Variants in FSTL5 observed in about 807,000 individuals in gnomAD.
FSTL5 encodes the protein follistatin-related protein 5.
In FSTL5, 62 loss-of-function variants were observed where a neutral mutation model predicts 89.1. The ratio of observed to expected loss-of-function variants is 0.70; its 90% CI spans 0.57 to 0.86. The LOEUF is 0.86. FSTL5 is among the 40% of genes least tolerant of loss of function. The pLI is 0.00. For synonymous variants in FSTL5, 383 were observed against 346.2 expected (o/e 1.11, Z -1.18); for missense variants, 1,057 against 1,001.6 (o/e 1.06, Z -0.75).
chr4:162,137,174 T>C (rs1342785989), intron 1 of FSTL5, among the ~76,000 whole-genome samples: 1 of 152,080 alleles, frequency 6.6e-6, no homozygotes, highest in Non-Finnish European at 1.5e-5. Context: ...GAGCAAGAAA[T>C]AAACAAAAAC....
intron 8 of FSTL5, among the ~76,000 whole-genome samples, chr4:161,585,279 C>T (rs979561533): frequency 6.6e-6 from 1 of 152,178 alleles, no homozygotes; most frequent in East Asian, 1.9e-4. Context: ...TGAAGAGCAG[C>T]AGCTCCTGAA....
intron 10 of FSTL5, among the ~76,000 whole-genome samples, chr4:161,514,322 A>G (rs1730745635): frequency 6.6e-6 from 1 of 152,080 alleles, no homozygotes; most frequent in Non-Finnish European, 1.5e-5. Context: ...CTTTTGCAGT[A>G]ACATGGATGG....
intron 7 of FSTL5, among the ~76,000 whole-genome samples, chr4:161,638,237 G>C (rs1735802659): frequency 1.3e-5 from 2 of 151,632 alleles, no homozygotes. Flanking sequence ...TTGTGAACGG[G>C]AGTTCACTCA....
intron 6 of FSTL5, among the ~76,000 whole-genome samples, chr4:161,735,722 C>T (rs1305667864): frequency 1.3e-5 from 2 of 152,024 alleles, no homozygotes; most frequent in Non-Finnish European, 1.5e-5. Context: ...TATTTTTAAA[C>T]TATTGGTTTA....
chr4:161,634,176 G>A (rs1458070149), intron 7 of FSTL5, among the ~76,000 whole-genome samples: 3 of 152,164 alleles, frequency 2.0e-5, no homozygotes, highest in Non-Finnish European at 4.4e-5. Context: ...TCACCCATTT[G>A]TTCATTTCCA....
chr4:161,835,579 T>C (rs1437093272), intron 4 of FSTL5, among the ~76,000 whole-genome samples: 1,903 of 151,908 alleles, frequency 0.013, 34 homozygotes, highest in African/African-American at 0.042. Flanking sequence ...ATAGCCAGAA[T>C]CTACAATGAA....
intron 8 of FSTL5, among the ~76,000 whole-genome samples, chr4:161,568,127 T>C (rs911803926): frequency 2.0e-5 from 3 of 151,864 alleles, no homozygotes; most frequent in Non-Finnish European, 2.9e-5. Flanking sequence ...GGAGTCCATA[T>C]TTGCCATATA....
intron 7 of FSTL5, among the ~76,000 whole-genome samples, chr4:161,632,587 A>C (rs565139758): frequency 3.3e-5 from 5 of 152,210 alleles, no homozygotes; most frequent in African/African-American, 1.2e-4. Context: ...TTCTTCTACA[A>C]TTATAACTTG....
rs1470981413 is a variant in FSTL5 at position 161,459,302 on chromosome 4, A to C, written c.1626T>G (p.Pro542=). 1 of 1,612,188 alleles carries C rather than the reference A, an allele frequency of 6.2e-7. No individual in the cohort carries two copies. The highest frequency in any genetic ancestry group is 1.7e-5 in the Admixed American group (1 of 60,014). ...TGTCATAGTGTAATTTAACTGGGACAGGGTCTGTGCTCACTGCCTACAATA... is the reference window on the plus strand; with the variant it reads ...TGTCATAGTGTAATTTAACTGGGACCGGGTCTGTGCTCACTGCCTACAATA... ...QKVVQAVSTD[P]VPVKLHYDKS... is the part of the protein sequence containing the mutation. Residue 542 remains proline, a synonymous_variant, in exon 14 of 16, where the codon CCT becomes CCG. Transcript: ENST00000306100.
intron 7 of FSTL5, among the ~76,000 whole-genome samples, chr4:161,604,662 C>T (rs888923805): frequency 6.6e-6 from 1 of 152,114 alleles, no homozygotes. Context: ...TACAGGAGGA[C>T]ATTTTTAATG....
At chr4:161,825,577 G>T (rs933358017) in intron 4 of FSTL5, among the ~76,000 whole-genome samples, 7 of 151,946 alleles carry the variant, frequency 4.6e-5, no homozygotes, top group African/African-American at 7.3e-5. Flanking sequence ...ATTGTTATTT[G>T]TCTGTTCAGA....
At chr4:161,414,011 T>C (rs550798823) in intron 15 of FSTL5, among the ~76,000 whole-genome samples, 2 of 152,304 alleles carry the variant, frequency 1.3e-5, no homozygotes, top group East Asian at 1.9e-4. Flanking sequence ...AACCTCAGTG[T>C]CACTCCATAT....
intron 4 of FSTL5, among the ~76,000 whole-genome samples, chr4:161,826,035 T>C (rs1460540438): frequency 6.6e-6 from 1 of 152,172 alleles, no homozygotes; most frequent in Non-Finnish European, 1.5e-5. Flanking sequence ...ACTTTCCTCT[T>C]AGCACTACCT....
chr4:161,595,426 T>C (rs892566786), intron 7 of FSTL5, among the ~76,000 whole-genome samples: 1 of 152,072 alleles, frequency 6.6e-6, no homozygotes, highest in Non-Finnish European at 1.5e-5. Context: ...TCTACACCAT[T>C]ACAGAGTTGC....
chr4:162,023,425 T>A (rs758722947), intron 3 of FSTL5, among the ~76,000 whole-genome samples: 90 of 152,272 alleles, frequency 5.9e-4, no homozygotes, highest in Middle Eastern at 6.8e-3. Flanking sequence ...ACCACACACA[T>A]GTTTTCTCTA....
At position 161,529,890 on chromosome 4, in the gene FSTL5, T is replaced by C. The variant is rs961146035; in HGVS notation, c.1312+8276A>G. 2.1e-5 allele frequency among the ~76,000 whole-genome samples: 3 copies of C among 142,690 alleles called. 1 individual carries two copies. Among genetic ancestry groups the C allele is most frequent in the Non-Finnish European group, 4.6e-5 (3 of 65,020 alleles). The allele number at this position is 142,690 out of a possible 152,430, so 93.6% of individuals were successfully genotyped here. ...TTAATCTGATTACTGCTGCACCTAA[T>C]ATTGGTTGAGTCTAGAAATAATTAC... On this transcript the variant is annotated intron_variant, in intron 10 of 15. Coordinates refer to ENST00000306100, the MANE Select transcript of FSTL5 (RefSeq NM_020116.5).
intron 3 of FSTL5, among the ~76,000 whole-genome samples, chr4:161,945,412 A>C (rs1262453806): frequency 6.6e-6 from 1 of 152,154 alleles, no homozygotes; most frequent in Non-Finnish European, 1.5e-5. Flanking sequence ...CCTTTTATTG[A>C]GCTAGCATGA....
intron 3 of FSTL5, among the ~76,000 whole-genome samples, chr4:162,020,757 G>T (rs1164218462): frequency 6.6e-6 from 1 of 151,634 alleles, no homozygotes; most frequent in African/African-American, 2.4e-5. Context: ...ACAGAAAAAA[G>T]TTACTTATTA....
intron 15 of FSTL5, among the ~76,000 whole-genome samples, chr4:161,442,463 C>T (rs951650936): frequency 6.6e-6 from 1 of 152,084 alleles, no homozygotes; most frequent in Non-Finnish European, 1.5e-5. Flanking sequence ...GAGCTACCAT[C>T]ATATGGTATT....
Sources: allele counts gnomAD v4.1 joint callset (sites outside exome capture counted in the v4.1 genomes callset), GRCh38; gene constraint gnomAD v4.1.1; transcripts MANE v1.5; gene names NCBI Gene and HGNC (gene_info 2026-07-23, HGNC 2026-07-21).